The following SHPK variants were observed in gnomAD, a reference collection of about 807,000 sequenced individuals.
SHPK encodes sedoheptulokinase, also known as carbohydrate kinase-like protein.
A neutral mutation model predicts 46.3 loss-of-function variants in SHPK; 51 were observed. The observed-to-expected ratio is 1.10, with a 90% confidence interval of 0.88 to 1.39. The LOEUF is 1.39. Ranked by LOEUF, SHPK falls within the 40% of genes most tolerant of loss-of-function variation. SHPK has a pLI of 0.00. For synonymous variants in SHPK, 290 were observed against 273.9 expected (o/e 1.06, Z -0.58); for missense variants, 668 against 641.3 (o/e 1.04, Z -0.45).
chr17:3,631,419 C>T (rs1479318657), intron 1 of SHPK, among the ~76,000 whole-genome samples: 1 of 150,382 alleles, frequency 6.6e-6, no homozygotes, highest in African/African-American at 2.4e-5. Flanking sequence ...AATCGTTAGC[C>T]ACTTGTGGCT....
At position 3,623,384 on chromosome 17, in the gene SHPK, C is replaced by G. The variant is rs1222284229; in HGVS notation, c.602G>C (p.Ser201Thr). 1.9e-6 allele frequency: 3 copies of G among 1,614,126 alleles called. No individual in the cohort carries two copies. The African/African-American group carries it at 4.0e-5, about 22-fold the overall frequency. Residue 201 changes from serine to threonine, a missense_variant, in exon 4 of 7, where the codon AGC becomes ACC. By Grantham distance (58) the Ser-to-Thr change is moderately conservative. Transcript: ENST00000225519. The part of the protein sequence containing the change: ...RPLMSDQNAA[S>T]WGYFNTQSQS... ...GCTCTGCGTGTTGAAATAGCCCCAGCTGGCAGCATTCTGGTCGGACATCAG... is the reference window on the plus strand; with the variant it reads ...GCTCTGCGTGTTGAAATAGCCCCAGGTGGCAGCATTCTGGTCGGACATCAG...
In SHPK at chr17:3,621,306, G is replaced by C. The variant is rs1249104410; in HGVS notation, c.754C>G (p.Gln252Glu). Residue 252 changes from glutamine to glutamate, a missense_variant, in exon 5 of 7, where the codon CAG becomes GAG. Coordinates refer to ENST00000225519, the MANE Select transcript of SHPK (RefSeq NM_013276.4). Reference protein sequence around the residue: ...HMWFEIPKGTQVGVALGDLQA... With the variant: ...HMWFEIPKGTEVGVALGDLQA... ...AAATCACCCAAGGCCACTCCCACCT[G>C]CGTCCCCTTTGGGATTTCAAACCAC... 1 of 1,614,006 alleles carries C rather than the reference G, an allele frequency of 6.2e-7. No individual in the cohort carries two copies. The highest frequency in any genetic ancestry group is 8.5e-7 in the Non-Finnish European group (1 of 1,180,010).
chr17:3,622,941 G>A (rs1330840987), intron 4 of SHPK, among the ~76,000 whole-genome samples: 1 of 152,112 alleles, frequency 6.6e-6, no homozygotes, highest in African/African-American at 2.4e-5. Flanking sequence ...CTGACCTCAG[G>A]TGATTCACCC....
chr17:3,624,082 C>T lies in SHPK; in HGVS notation c.460G>A (p.Gly154Ser), dbSNP rs912131163. The change falls in exon 3 of 7, where the codon GGC (glycine) becomes AGC (serine). Residue 154 changes from glycine (G) to serine (S), a missense_variant. Gly to Ser is a moderately conservative substitution (Grantham distance 56, BLOSUM62 0). Transcript: ENST00000225519. ...KSHLSVATGFGCATIFWLLKY... is the reference protein window; with the variant it reads ...KSHLSVATGFSCATIFWLLKY... ...AAAAGCCAGAAGATGGTTGCACAGC[C>T]GAAGCCCGTGGCCACACTGAGATGA... The T allele has an allele frequency of 2.5e-5, 40 of 1,613,150 alleles. No homozygotes were observed. The highest frequency in any genetic ancestry group is 3.2e-5 in the Non-Finnish European group (38 of 1,179,330).
rs780592416 is a variant in SHPK, at chr17:3,624,211, C to T, written c.331G>A (p.Gly111Arg). Residue 111 changes from glycine (G) to arginine (R), a missense_variant, in exon 3 of 7, where the codon GGG becomes AGG. Coordinates refer to ENST00000225519, the MANE Select transcript of SHPK (RefSeq NM_013276.4). Reference protein sequence around the residue: ...TGQGCEWTEGGITPVFEPRAV... With the variant: ...TGQGCEWTEGRITPVFEPRAV... ...CGGGGCTCGAACACCGGGGTAATCC[C>T]TCCCTCTGTCCATTCACAGCCTGGA... is the stretch of plus-strand genomic sequence containing the variant. The T allele has an allele frequency of 1.9e-4, 308 of 1,612,328 alleles. 2 individuals are homozygous for T. Among genetic ancestry groups the T allele is most frequent in the Non-Finnish European group, 2.5e-4 (295 of 1,178,728 alleles).
At chr17:3,619,546 A>G in intron 5 of SHPK, 1 of 484,772 alleles carries the variant, frequency 2.1e-6, no homozygotes, top group Non-Finnish European at 3.8e-6. Flanking sequence ...CATCCTGGCC[A>G]ACATGGTGAA....
intron 2 of SHPK, among the ~76,000 whole-genome samples, chr17:3,626,788 G>C (rs1249040301): frequency 1.3e-5 from 2 of 151,492 alleles, no homozygotes; most frequent in Non-Finnish European, 2.9e-5. Context: ...TACTTGGGAG[G>C]GGAAATTTAG....
rs2075324337 is a variant in SHPK at position 3,609,698 on chromosome 17, G to C, written c.*862C>G. The C allele has an allele frequency of 6.6e-6, 1 of 152,352 alleles. No homozygotes were observed. Among genetic ancestry groups the C allele is most frequent in the Admixed American group, 6.5e-5 (1 of 15,284 alleles). The allele number at this position is 152,352 out of a possible 1,614,324, so 9.4% of individuals were successfully genotyped here. A position where few individuals can be genotyped will look rare whatever the true frequency, so the allele number is the denominator to read the frequency against. On this transcript the variant is annotated 3_prime_UTR_variant, in exon 7 of 7. Transcript: ENST00000225519. ...GCCTGGCTGCATCCCTTCCCATGAG[G>C]GCTTCTGGAATGTGCAGGGGCAAAA...
chr17:3,631,026 C>T (rs746357621), intron 1 of SHPK, among the ~76,000 whole-genome samples: 6 of 152,130 alleles, frequency 3.9e-5, no homozygotes, highest in Admixed American at 6.5e-5. Context: ...GCTTCCCTCC[C>T]GGGAGTGCTG....
intron 5 of SHPK, among the ~76,000 whole-genome samples, chr17:3,620,353 C>T (rs1007095691): frequency 1.1e-4 from 16 of 152,010 alleles, no homozygotes; most frequent in African/African-American, 3.1e-4. Context: ...CTCTGCCTTC[C>T]GGGTTCACAC....
intron 1 of SHPK, among the ~76,000 whole-genome samples, chr17:3,635,213 G>GGAAA (rs2075505892): frequency 2.4e-5 from 3 of 127,014 alleles, no homozygotes; most frequent in African/African-American, 8.0e-5. Flanking sequence ...AAGGAAGGAA[G>GGAAA]GAAGGAAGGA....
At chr17:3,631,776 C>G (rs1405000588) in intron 1 of SHPK, among the ~76,000 whole-genome samples, 1 of 151,862 alleles carries the variant, frequency 6.6e-6, no homozygotes, top group Non-Finnish European at 1.5e-5. Flanking sequence ...CCCACCTCGG[C>G]CTCCCAAAGT....
intron 5 of SHPK, among the ~76,000 whole-genome samples, 156 bp downstream of exon 5, chr17:3,621,081 G>A (rs2075397271): frequency 6.6e-6 from 1 of 152,220 alleles, no homozygotes; most frequent in Non-Finnish European, 1.5e-5. Flanking sequence ...GATTTTACCT[G>A]CAAGGACAAG....
intron 2 of SHPK, among the ~76,000 whole-genome samples, chr17:3,629,152 T>G (rs1052267942): frequency 3.9e-5 from 6 of 152,166 alleles, no homozygotes; most frequent in African/African-American, 1.4e-4. Flanking sequence ...GTTCACCTGC[T>G]GAAATATGAC....
At chr17:3,620,893 C>T (rs1597571702) in intron 5 of SHPK, among the ~76,000 whole-genome samples, 1 of 152,194 alleles carries the variant, frequency 6.6e-6, no homozygotes, top group South Asian at 2.1e-4. Flanking sequence ...GACATCACTT[C>T]CAACACAGTA....
chr17:3,623,920 G>A (rs1383799124), intron 3 of SHPK, 128 bp downstream of exon 3: 21 of 915,298 alleles, frequency 2.3e-5, no homozygotes, highest in Middle Eastern at 3.4e-4. Flanking sequence ...AGGCCATGCT[G>A]CATCCTGTCC....
intron 3 of SHPK, 82 bp downstream of exon 3, chr17:3,623,966 G>T: frequency 7.4e-7 from 1 of 1,345,656 alleles, no homozygotes; most frequent in Non-Finnish European, 1.0e-6. Flanking sequence ...AGCCCAGCAG[G>T]CGGGGTGATG....
chr17:3,629,530 C>A (rs1025650914), intron 2 of SHPK, among the ~76,000 whole-genome samples: 3 of 152,014 alleles, frequency 2.0e-5, no homozygotes, highest in East Asian at 1.9e-4. Flanking sequence ...GAGTTCGAGA[C>A]CAGCCTGGCC....
intron 1 of SHPK, among the ~76,000 whole-genome samples, chr17:3,630,723 G>C (rs1161826546): frequency 6.6e-6 from 1 of 152,154 alleles, no homozygotes; most frequent in East Asian, 1.9e-4. Context: ...AATTAGCCGG[G>C]TATGGTGGCA....
Sources: allele counts gnomAD v4.1 joint callset (sites outside exome capture counted in the v4.1 genomes callset), GRCh38; gene constraint gnomAD v4.1.1; transcripts MANE v1.5; gene names NCBI Gene and HGNC (gene_info 2026-07-23, HGNC 2026-07-21).